Variants in CALN1 observed in about 807,000 individuals in gnomAD.
CALN1 encodes calcium-binding protein 8.
CALN1 carries 17 observed loss-of-function variants against 30.6 expected under a neutral mutation model. That is an observed-to-expected ratio of 0.56 (90% CI 0.38 to 0.83). CALN1 has a LOEUF of 0.83. Among genes scored for constraint, CALN1 ranks in the 40% least tolerant of loss-of-function variants. CALN1 has a pLI of 0.00. For missense variants in CALN1, 291 were observed against 354.9 expected (o/e 0.82, Z 1.45); for synonymous variants, 156 against 131.4 (o/e 1.19, Z -1.28).
At chr7:71,813,229 G>A (rs1788067637) in intron 5 of CALN1, among the ~76,000 whole-genome samples, 1 of 152,098 alleles carries the variant, frequency 6.6e-6, no homozygotes, top group Non-Finnish European at 1.5e-5. Context: ...ATTTTTAGTG[G>A]AGACAGGGTT....
rs2270209 is a variant in CALN1 at position 71,782,266 on chromosome 7, C to G, written c.*5509G>C. ...CCCTCCCTGTAGTAATGAGTGAATT[C>G]TTACTTTATTAGTTCATGCAATTGC... On this transcript the variant is annotated 3_prime_UTR_variant, in exon 7 of 7. Transcript: ENST00000395275. The G allele has an allele frequency of 0.18, 28,039 of 152,036 alleles. 3,346 individuals are homozygous for G. The highest frequency in any genetic ancestry group is 0.6 in the East Asian group (3,084 of 5,140). The allele number at this position is 152,036 out of a possible 1,614,324, so 9.4% of individuals were successfully genotyped here.
chr7:72,034,181 G>A (rs758736508), intron 4 of CALN1, among the ~76,000 whole-genome samples: 3 of 151,706 alleles, frequency 2.0e-5, no homozygotes, highest in Non-Finnish European at 4.4e-5. Flanking sequence ...GTGGAACCCC[G>A]TCTCTACTAA....
intron 5 of CALN1, among the ~76,000 whole-genome samples, chr7:71,920,907 T>C (rs908402541): frequency 2.0e-5 from 3 of 152,186 alleles, no homozygotes; most frequent in Admixed American, 2.0e-4. Context: ...CATGCATACG[T>C]ATGTTTATTG....
chr7:72,161,670 C>A (rs1268140202), intron 3 of CALN1, among the ~76,000 whole-genome samples: 1 of 151,840 alleles, frequency 6.6e-6, no homozygotes, highest in African/African-American at 2.4e-5. Context: ...AGAAAGTTGG[C>A]GATTCTTGTA....
chr7:72,228,642 T>C (rs1793854284), intron 3 of CALN1, among the ~76,000 whole-genome samples: 1 of 151,872 alleles, frequency 6.6e-6, no homozygotes, highest in African/African-American at 2.4e-5. Context: ...TGTACAATAG[T>C]CGCAAGGTTT....
At chr7:72,274,618 A>G (rs892798230) in intron 3 of CALN1, among the ~76,000 whole-genome samples, 1 of 152,196 alleles carries the variant, frequency 6.6e-6, no homozygotes, top group African/African-American at 2.4e-5. Context: ...AATGCACTCT[A>G]AAAGTATAAG....
intron 3 of CALN1, among the ~76,000 whole-genome samples, chr7:72,178,155 A>G (rs1789498665): frequency 6.6e-6 from 1 of 152,228 alleles, no homozygotes; most frequent in Non-Finnish European, 1.5e-5. Context: ...ATAAGGCCCA[A>G]TGTGTATTGC....
chr7:72,390,067 G>A lies in CALN1; in HGVS notation c.119+13184C>T, dbSNP rs146963764. ...TATGGGCTGGCTGGGTGGGAGACCA[G>A]GTTGGCTAAGGAGGGGTAGGACCTT... On this transcript the variant is annotated intron_variant, in intron 2 of 6. Transcript: ENST00000395275. Among the ~76,000 whole-genome samples, 78 of 152,204 alleles carry A rather than the reference G, an allele frequency of 5.1e-4. No homozygotes were observed. The East Asian group carries it at 0.013, about 26-fold the overall frequency.
intron 1 of CALN1, among the ~76,000 whole-genome samples, chr7:72,437,990 C>T (rs62463254): frequency 0.36 from 53,655 of 147,462 alleles, 10,076 homozygotes; most frequent in Middle Eastern, 0.48. Flanking sequence ...TTTCTTTCTT[C>T]TTGAGATAGA....
At chr7:71,843,994 G>A (rs1584350818) in intron 5 of CALN1, among the ~76,000 whole-genome samples, 1 of 152,010 alleles carries the variant, frequency 6.6e-6, no homozygotes, top group African/African-American at 2.4e-5. Flanking sequence ...AATTGATCTC[G>A]GTGACTTTTT....
intron 3 of CALN1, among the ~76,000 whole-genome samples, chr7:72,127,112 CTGGATGGAATGG>C (rs1489967815): frequency 6.6e-6 from 1 of 151,416 alleles, no homozygotes; most frequent in African/African-American, 2.4e-5. Flanking sequence ...CAGCAGATTG[CTGGATGGAATGG>C]TACCATTTAA....
At chr7:71,818,211 G>A (rs912864790) in intron 5 of CALN1, among the ~76,000 whole-genome samples, 1 of 152,034 alleles carries the variant, frequency 6.6e-6, no homozygotes, top group Non-Finnish European at 1.5e-5. Flanking sequence ...GGTCAGAGGG[G>A]GCTTTCTGGA....
At chr7:71,891,954 A>T (rs1173554542) in intron 5 of CALN1, among the ~76,000 whole-genome samples, 2 of 128,670 alleles carry the variant, frequency 1.6e-5, no homozygotes, top group Non-Finnish European at 3.2e-5. Flanking sequence ...AAAAATAAAT[A>T]AATAAAAAAA....
intron 4 of CALN1, among the ~76,000 whole-genome samples, chr7:72,072,711 A>G (rs1243251713): frequency 1.3e-5 from 2 of 152,230 alleles, no homozygotes; most frequent in African/African-American, 4.8e-5. Context: ...TTATCAATTT[A>G]TAGTTTTGCC....
chr7:72,209,318 CTCCTTCCCTCTT>C lies in CALN1; in HGVS notation c.244+69356_244+69367del, dbSNP rs1265410043. On this transcript the variant is annotated intron_variant, in intron 3 of 6. Transcript: ENST00000395275. ...CTTCCCTCTTTCCTTCCCTCCTTCC[CTCCTTCCCTCTT>C]TCCTTCCCTCTTTCCTTCCCTCCTT... is the stretch of plus-strand genomic sequence containing the variant. Among the ~76,000 whole-genome samples the C allele has an allele frequency of 1.6e-4, 8 of 49,264 alleles. 1 individual carries two copies. The highest frequency in any genetic ancestry group is 6.1e-4 in the African/African-American group (4 of 6,514). 32.3% of individuals were successfully genotyped at this position (49,264 alleles called of 152,430 possible).
chr7:72,155,921 T>G (rs537535369), intron 3 of CALN1, among the ~76,000 whole-genome samples: 1 of 152,154 alleles, frequency 6.6e-6, no homozygotes, highest in African/African-American at 2.4e-5. Context: ...GCCAGCTGAA[T>G]AGCATTTTTT....
At chr7:72,483,539 C>T in the CALN1 span, among the ~76,000 whole-genome samples, 9 of 152,180 alleles carry the variant, frequency 5.9e-5, no homozygotes, top group African/African-American at 1.9e-4. Flanking sequence ...CCTGCCTTGG[C>T]CTCCCCAAGT....
At chr7:72,477,530 A>G in the CALN1 span, among the ~76,000 whole-genome samples, 1 of 151,986 alleles carries the variant, frequency 6.6e-6, no homozygotes, top group Admixed American at 6.6e-5. Context: ...CAATCCTCCT[A>G]CCTCAGCCTC....
Position 72,260,792 on chromosome 7 carries a change from C to T in CALN1, c.244+17894G>A, listed in dbSNP as rs549174384. ...CCCCTTTTCCCACTTCCCCCCACCA[C>T]AGCACCAGATGGCAGAGAAGCAAGC... is the stretch of plus-strand genomic sequence containing the variant. On this transcript the variant is annotated intron_variant, in intron 3 of 6. Coordinates refer to ENST00000395275, the MANE Select transcript of CALN1 (RefSeq NM_031468.4). 7.9e-5 allele frequency among the ~76,000 whole-genome samples: 12 copies of T among 152,286 alleles called. No homozygotes were observed. The East Asian group carries it at 1.9e-3, about 24-fold the overall frequency.
Sources: gnomAD v4.1 joint callset for allele counts (sites outside exome capture counted in the v4.1 genomes callset) on GRCh38, gnomAD v4.1.1 for gene constraint, MANE v1.5 for transcripts, NCBI Gene and HGNC (gene_info 2026-07-23, HGNC 2026-07-21) for gene names.